The following RNF212B variants were observed in gnomAD, a reference collection of about 807,000 sequenced individuals.
The protein encoded by RNF212B is E3 ubiquitin-protein ligase RNF212B.
Under a neutral mutation model 55.5 loss-of-function variants are expected in RNF212B, and 52 were observed. The ratio of observed to expected loss-of-function variants is 0.94; its 90% CI spans 0.75 to 1.18. RNF212B has a LOEUF of 1.18. Among genes scored for constraint, RNF212B ranks in the 50% most tolerant of loss-of-function variants. The pLI is 0.00. For missense variants in RNF212B, 289 were observed against 350.4 expected, an observed-to-expected ratio of 0.82 and a Z score of 1.40; for synonymous variants, 99 against 121.4, an observed-to-expected ratio of 0.82 and a Z score of 1.21.
intron 4 of RNF212B, among the ~76,000 whole-genome samples, chr14:23,247,857 T>A (rs1328903174): frequency 1.3e-5 from 2 of 152,196 alleles, no homozygotes; most frequent in Non-Finnish European, 2.9e-5. Flanking sequence ...CAGACTGTTT[T>A]CCCAAGTGGC....
At chr14:23,270,992 G>A (rs1426884540) in intron 14 of RNF212B, among the ~76,000 whole-genome samples, 1 of 152,140 alleles carries the variant, frequency 6.6e-6, no homozygotes, top group Non-Finnish European at 1.5e-5. Flanking sequence ...TACATCTTTT[G>A]GGTAGGGGTA....
At chr14:23,270,556 C>G in intron 13 of RNF212B, 44 bp from the exon 14 acceptor site, 4 of 1,419,116 alleles carry the variant, frequency 2.8e-6, no homozygotes, top group Non-Finnish European at 3.9e-6. Flanking sequence ...TGCCGAGAAA[C>G]TGCCCAAGTA....
chr14:23,248,002 G>A (rs578079243), intron 4 of RNF212B, among the ~76,000 whole-genome samples: 1 of 152,038 alleles, frequency 6.6e-6, no homozygotes, highest in African/African-American at 2.4e-5. Flanking sequence ...CAACATCAAG[G>A]CACTAACAGA....
intron 12 of RNF212B, among the ~76,000 whole-genome samples, chr14:23,269,209 CAGG>C (rs2140488936): frequency 6.6e-6 from 1 of 152,260 alleles, no homozygotes; most frequent in South Asian, 2.1e-4. Flanking sequence ...GAGGTTGAGG[CAGG>C]AGAATTGCTG....
upstream of RNF212B, among the ~76,000 whole-genome samples, chr14:23,234,181 A>G (rs951172636): frequency 1.3e-5 from 2 of 151,988 alleles, no homozygotes; most frequent in African/African-American, 4.8e-5. Context: ...AACTGTTCAA[A>G]TTTCTATTAA....
intron 2 of RNF212B, among the ~76,000 whole-genome samples, chr14:23,216,499 C>T (rs924755995): frequency 1.1e-4 from 17 of 151,368 alleles, no homozygotes; most frequent in Non-Finnish European, 2.4e-4. Context: ...AAAAGATAGA[C>T]GTCGACAGAA....
upstream of RNF212B, among the ~76,000 whole-genome samples, chr14:23,233,418 A>AT (rs397758209): frequency 1.3e-5 from 2 of 151,000 alleles, no homozygotes; most frequent in African/African-American, 2.4e-5. Flanking sequence ...AAAAAAAAAA[A>AT]GAATATTTAA....
chr14:23,260,450 G>A (rs936912742), intron 6 of RNF212B, among the ~76,000 whole-genome samples: 2 of 152,082 alleles, frequency 1.3e-5, no homozygotes, highest in Admixed American at 6.5e-5. Context: ...ATGGGATTCC[G>A]TATGCACTCT....
chr14:23,243,216 G>C, intron 2 of RNF212B, 40 bp from the exon 3 acceptor site: 1 of 1,499,694 alleles, frequency 6.7e-7, no homozygotes, highest in Non-Finnish European at 9.1e-7. Flanking sequence ...CTTACCTCAT[G>C]CTCATGAGAG....
chr14:23,215,024 C>T (rs910100715), intron 2 of RNF212B, among the ~76,000 whole-genome samples: 5 of 152,206 alleles, frequency 3.3e-5, no homozygotes, highest in African/African-American at 7.2e-5. Context: ...TGTGTCCCCA[C>T]ACAAATCTCA....
chr14:23,246,139 T>C (rs892926829), intron 4 of RNF212B, among the ~76,000 whole-genome samples: 1 of 151,894 alleles, frequency 6.6e-6, no homozygotes, highest in Non-Finnish European at 1.5e-5. Context: ...CTTTTCTTTT[T>C]TTTTTTTTGA....
chr14:23,185,363 T>A (rs1877490902), exon 1 of RNF212B: 1 of 152,234 alleles, frequency 6.6e-6, no homozygotes, highest in South Asian at 2.1e-4. Flanking sequence ...CCTCTAGCCT[T>A]TCCTGACAAC....
intron 11 of RNF212B, among the ~76,000 whole-genome samples, chr14:23,266,105 C>T (rs1354157085): frequency 4.6e-5 from 7 of 151,554 alleles, no homozygotes; most frequent in South Asian, 2.1e-4. Context: ...ACTACAGGCA[C>T]GTGCCACCAT....
intron 1 of RNF212B, among the ~76,000 whole-genome samples, chr14:23,189,624 A>C (rs1244983392): frequency 6.6e-6 from 1 of 151,918 alleles, no homozygotes. Context: ...GCAATATAGC[A>C]AAACCTTGTT....
chr14:23,205,511 G>A (rs910495425), intron 2 of RNF212B, among the ~76,000 whole-genome samples: 2 of 152,064 alleles, frequency 1.3e-5, no homozygotes, highest in African/African-American at 4.8e-5. Context: ...AACTGTGATA[G>A]TCATGATTTA....
chr14:23,272,193 G>A (rs191083795), intron 14 of RNF212B, among the ~76,000 whole-genome samples: 50 of 152,170 alleles, frequency 3.3e-4, no homozygotes, highest in Middle Eastern at 3.4e-3. Flanking sequence ...CGAGGCGGGC[G>A]GATTATGAGG....
chr14:23,238,708 A>G (rs34344413), intron 1 of RNF212B, among the ~76,000 whole-genome samples: 38,140 of 150,392 alleles, frequency 0.25, 4,992 homozygotes, highest in African/African-American at 0.32. Flanking sequence ...CTGCACTCCA[A>G]CCTGGAGACA....
At chr14:23,191,849 C>T (rs1400662555) in intron 1 of RNF212B, among the ~76,000 whole-genome samples, 1 of 152,190 alleles carries the variant, frequency 6.6e-6, no homozygotes, top group Non-Finnish European at 1.5e-5. Context: ...TCGACAAATA[C>T]ATACTTATTC....
chr14:23,211,825 C>T (rs1880547512), intron 2 of RNF212B, among the ~76,000 whole-genome samples: 1 of 152,184 alleles, frequency 6.6e-6, no homozygotes, highest in Admixed American at 6.5e-5. Flanking sequence ...AGGATTCAAG[C>T]ATTTCTCTCG....
Sources: allele counts gnomAD v4.1 joint callset (sites outside exome capture counted in the v4.1 genomes callset), GRCh38; gene constraint gnomAD v4.1.1; transcripts MANE v1.5; gene names NCBI Gene and HGNC (gene_info 2026-07-23, HGNC 2026-07-21).